Variants in RARB observed in about 807,000 individuals in gnomAD.
The protein encoded by RARB is HBV-activated protein.
RARB carries 17 observed loss-of-function variants against 51.9 expected under a neutral mutation model. The ratio of observed to expected loss-of-function variants is 0.33; its 90% CI spans 0.22 to 0.49. RARB has a LOEUF of 0.49. Ranked by LOEUF, RARB falls within the 20% of genes least tolerant of loss-of-function variation. The probability of loss-of-function intolerance (pLI) is 0.99; values close to 1 mark genes in which losing one functional copy is unlikely to be tolerated. For missense variants in RARB, 369 were observed against 550.8 expected (o/e 0.67, Z 3.30); for synonymous variants, 215 against 195.4 (o/e 1.10, Z -0.84).
At chr3:25,159,475 A>C (rs1294763653) in intron 4 of RARB, among the ~76,000 whole-genome samples, 2 of 148,846 alleles carry the variant, frequency 1.3e-5, no homozygotes, top group African/African-American at 2.5e-5. Context: ...CACCGTGCCC[A>C]ACCCAAAAGT....
chr3:25,548,226 A>C (rs1575507905), intron 3 of RARB, among the ~76,000 whole-genome samples: 1 of 151,936 alleles, frequency 6.6e-6, no homozygotes, highest in Admixed American at 6.6e-5. Context: ...TTTTAGAAAG[A>C]AACTCTGAGG....
chr3:25,391,648 G>A (rs934027560), intron 5 of RARB, among the ~76,000 whole-genome samples: 1 of 152,056 alleles, frequency 6.6e-6, no homozygotes. Flanking sequence ...TTAGTGATGT[G>A]GGGCATTTTT....
At chr3:25,285,941 T>G (rs1255649257) in intron 5 of RARB, among the ~76,000 whole-genome samples, 1 of 152,156 alleles carries the variant, frequency 6.6e-6, no homozygotes, top group Non-Finnish European at 1.5e-5. Flanking sequence ...GGTGTACACA[T>G]AAACACAAAC....
chr3:25,003,538 A>C (rs1309662737), intron 2 of RARB, among the ~76,000 whole-genome samples: 3 of 151,994 alleles, frequency 2.0e-5, no homozygotes, highest in Non-Finnish European at 2.9e-5. Context: ...GTACATGTAA[A>C]TGTTTTAATA....
At chr3:24,958,267 T>G (rs999962059) in intron 2 of RARB, among the ~76,000 whole-genome samples, 6 of 121,642 alleles carry the variant, frequency 4.9e-5, no homozygotes, top group East Asian at 2.8e-4. Context: ...TTTTTTTTTT[T>G]TTTTTTTTTT....
chr3:25,257,269 A>G (rs1295720545), intron 5 of RARB, among the ~76,000 whole-genome samples: 3 of 152,096 alleles, frequency 2.0e-5, no homozygotes, highest in Admixed American at 6.5e-5. Context: ...TCCGGGTACC[A>G]CATCTTAAGG....
chr3:25,109,315 G>C (rs752821396), intron 3 of RARB, among the ~76,000 whole-genome samples: 1 of 152,012 alleles, frequency 6.6e-6, no homozygotes, highest in African/African-American at 2.4e-5. Context: ...ATGAGTGATG[G>C]GTTCTTTGAT....
At chr3:25,473,870 C>T (rs6775425) in intron 2 of RARB, among the ~76,000 whole-genome samples, 105,186 of 146,622 alleles carry the variant, frequency 0.72, 37,855 homozygotes, top group Middle Eastern at 0.87. Context: ...GCAAGATCTT[C>T]GGTGACCCTC....
intron 2 of RARB, among the ~76,000 whole-genome samples, chr3:24,871,260 A>T (rs1702942716): frequency 6.6e-6 from 1 of 152,100 alleles, no homozygotes; most frequent in Non-Finnish European, 1.5e-5. Context: ...TTTTTATTTT[A>T]GTTGTTGATG....
chr3:24,966,728 C>T (rs1696283299), intron 2 of RARB, among the ~76,000 whole-genome samples: 1 of 152,010 alleles, frequency 6.6e-6, no homozygotes, highest in Non-Finnish European at 1.5e-5. Context: ...TATGGGTTCA[C>T]CCACTTTAAA....
intron 2 of RARB, among the ~76,000 whole-genome samples, chr3:24,878,592 A>T (rs2362774): frequency 5.9e-5 from 9 of 151,924 alleles, no homozygotes; most frequent in South Asian, 4.2e-4. Flanking sequence ...ATCAGGGGCT[A>T]TTGTGTGCAT....
intron 3 of RARB, among the ~76,000 whole-genome samples, chr3:25,114,493 C>T (rs1699654163): frequency 6.6e-6 from 1 of 152,142 alleles, no homozygotes; most frequent in African/African-American, 2.4e-5. Context: ...ACTTTGTGCT[C>T]CAGGATGTGT....
chr3:25,420,992 A>C, intron 5 of RARB, among the ~76,000 whole-genome samples: 1 of 145,222 alleles, frequency 6.9e-6, no homozygotes, highest in Admixed American at 6.9e-5. Context: ...CACTTATGCC[A>C]AAAAAAAAAA....
intron 5 of RARB, among the ~76,000 whole-genome samples, chr3:25,358,308 A>G (rs143513705): frequency 2.6e-5 from 4 of 152,038 alleles, no homozygotes; most frequent in Admixed American, 2.6e-4. Context: ...TAGGAGTACT[A>G]GTGATTTTTG....
intron 2 of RARB, among the ~76,000 whole-genome samples, chr3:24,952,622 C>G (rs966910689): frequency 6.6e-6 from 1 of 152,142 alleles, no homozygotes; most frequent in African/African-American, 2.4e-5. Flanking sequence ...TGGTGCGTGG[C>G]ACAGCAGGTG....
chr3:24,869,809 T>C (rs1448618522), intron 2 of RARB, among the ~76,000 whole-genome samples: 1 of 152,114 alleles, frequency 6.6e-6, no homozygotes, highest in Admixed American at 6.6e-5. Context: ...CTCTTGAATT[T>C]TGTGTTAATC....
chr3:25,199,857 C>T (rs1328378896), intron 5 of RARB, among the ~76,000 whole-genome samples: 7 of 152,188 alleles, frequency 4.6e-5, no homozygotes, highest in South Asian at 4.2e-4. Flanking sequence ...GTTGGACATT[C>T]AGGTTGGTTC....
chr3:25,248,908 A>G (rs1702636162), intron 5 of RARB, among the ~76,000 whole-genome samples: 1 of 152,160 alleles, frequency 6.6e-6, no homozygotes, highest in Admixed American at 6.5e-5. Flanking sequence ...ACACTCTGCC[A>G]TGAATAAGAG....
chr3:25,555,808 C>A lies in RARB; in HGVS notation c.449-13950C>A, dbSNP rs561573002. Among the ~76,000 whole-genome samples the A allele has an allele frequency of 1.2e-4, 19 of 152,270 alleles. No individual in the cohort carries two copies. The South Asian group carries it at 3.9e-3, about 32-fold the overall frequency. ...TCTACTGCTTGCTGATCTACCATTG[C>A]CTTTCCTCTCTCCACCAAGGGCTGG... On this transcript the variant is annotated intron_variant, in intron 3 of 7. Coordinates refer to ENST00000330688, the MANE Select transcript of RARB (RefSeq NM_000965.5).
Sources: gnomAD v4.1 joint callset for allele counts (sites outside exome capture counted in the v4.1 genomes callset) on GRCh38, gnomAD v4.1.1 for gene constraint, MANE v1.5 for transcripts, NCBI Gene and HGNC (gene_info 2026-07-23, HGNC 2026-07-21) for gene names.